The following PTPRG variants were observed in gnomAD, a reference collection of about 807,000 sequenced individuals.
PTPRG encodes the protein protein tyrosine phosphatase receptor type G, also known as receptor-type tyrosine-protein phosphatase gamma.
Under a neutral mutation model 165.3 loss-of-function variants are expected in PTPRG, and 102 were observed. That is an observed-to-expected ratio of 0.62 (90% CI 0.53 to 0.73). The LOEUF is 0.73. PTPRG is among the 30% of genes least tolerant of loss of function. PTPRG has a pLI of 0.00. For synonymous variants in PTPRG, 675 were observed against 669.5 expected (o/e 1.01, Z -0.13); for missense variants, 1,866 against 1,861.4 (o/e 1.00, Z -0.05).
chr3:62,179,015 C>T (rs1033951718), intron 8 of PTPRG, among the ~76,000 whole-genome samples: 2 of 152,162 alleles, frequency 1.3e-5, no homozygotes, highest in Admixed American at 1.3e-4. Flanking sequence ...CTCATTGGAG[C>T]CATAGGAGGT....
At chr3:61,633,390 T>G (rs1330213046) in intron 1 of PTPRG, among the ~76,000 whole-genome samples, 2 of 152,222 alleles carry the variant, frequency 1.3e-5, no homozygotes, top group Admixed American at 1.3e-4. Flanking sequence ...GAAATGAAAG[T>G]CATTGGGATG....
intron 6 of PTPRG, 57 bp downstream of exon 6, chr3:62,132,725 C>A: frequency 7.0e-7 from 1 of 1,431,462 alleles, no homozygotes; most frequent in East Asian, 2.3e-5. Context: ...AGATCTCTAC[C>A]TAAAAGAATC....
chr3:62,119,824 C>T (rs1178510333), intron 5 of PTPRG, among the ~76,000 whole-genome samples: 6 of 121,304 alleles, frequency 4.9e-5, no homozygotes, highest in South Asian at 2.6e-4. Flanking sequence ...TTAGTAGAGG[C>T]GGGGTTTCAC....
In PTPRG at chr3:61,596,854, G is replaced by T. The variant is rs1462907111; in HGVS notation, c.85+34482G>T. 3.3e-5 allele frequency among the ~76,000 whole-genome samples: 5 copies of T among 152,040 alleles called. No homozygotes were observed. The East Asian group carries it at 9.6e-4, about 29-fold the overall frequency. ...AATTACTTTTTAGAAGTGAATAATTGTCTCAAGGTTTTTATGCAGCTTAAC... is the reference window on the plus strand; with the variant it reads ...AATTACTTTTTAGAAGTGAATAATTTTCTCAAGGTTTTTATGCAGCTTAAC... On this transcript the variant is annotated intron_variant, in intron 1 of 29. Coordinates refer to ENST00000474889, the MANE Select transcript of PTPRG (RefSeq NM_002841.4).
At chr3:62,033,054 T>C (rs1699820416) in intron 4 of PTPRG, among the ~76,000 whole-genome samples, 1 of 152,188 alleles carries the variant, frequency 6.6e-6, no homozygotes, top group Non-Finnish European at 1.5e-5. Flanking sequence ...CATGCTGGTA[T>C]AGATGCCCTA....
intron 2 of PTPRG, among the ~76,000 whole-genome samples, chr3:61,928,952 A>T (rs12490787): frequency 6.6e-6 from 1 of 152,162 alleles, no homozygotes; most frequent in African/African-American, 2.4e-5. Flanking sequence ...TGTGGTTGTC[A>T]CAACGGGAAG....
intron 12 of PTPRG, among the ~76,000 whole-genome samples, chr3:62,212,859 TAAA>T (rs767904923): frequency 6.6e-5 from 10 of 152,194 alleles, no homozygotes; most frequent in Non-Finnish European, 1.3e-4. Context: ...ATGTCACAAT[TAAA>T]AAATAACTAC....
chr3:62,156,847 T>C (rs1704555698), intron 6 of PTPRG, among the ~76,000 whole-genome samples: 1 of 152,136 alleles, frequency 6.6e-6, no homozygotes, highest in African/African-American at 2.4e-5. Flanking sequence ...CTGTATTTTA[T>C]TGAAATATAC....
chr3:61,957,729 T>G (rs2040065503), intron 2 of PTPRG, among the ~76,000 whole-genome samples: 2 of 152,234 alleles, frequency 1.3e-5, no homozygotes, highest in Non-Finnish European at 2.9e-5. Flanking sequence ...TTTCATCTTG[T>G]GTCTTACAGG....
At chr3:61,647,791 C>CAAAA (rs58020589) in intron 1 of PTPRG, among the ~76,000 whole-genome samples, 2,919 of 92,970 alleles carry the variant, frequency 0.031, 325 homozygotes, top group African/African-American at 0.12. Flanking sequence ...GACTCCGTCT[C>CAAAA]AAAAAAAAAA....
intron 15 of PTPRG, among the ~76,000 whole-genome samples, 157 bp downstream of exon 15, chr3:62,244,055 T>A (rs1226911088): frequency 6.6e-6 from 1 of 152,220 alleles, no homozygotes; most frequent in Non-Finnish European, 1.5e-5. Context: ...GTTAATGTAG[T>A]ATACAGTCAT....
chr3:62,260,842 C>CA (rs1242877474), intron 16 of PTPRG: 2 of 152,180 alleles, frequency 1.3e-5, no homozygotes, highest in African/African-American at 2.4e-5. Flanking sequence ...CAGAAGGCCT[C>CA]AGGCAAACCC....
intron 2 of PTPRG, among the ~76,000 whole-genome samples, chr3:61,763,115 A>G (rs560517411): frequency 5.6e-4 from 86 of 152,274 alleles, no homozygotes; most frequent in African/African-American, 2.0e-3. Context: ...GCTTAAACCA[A>G]TTATTGGCAA....
intron 2 of PTPRG, among the ~76,000 whole-genome samples, chr3:61,917,497 C>T (rs2038969167): frequency 6.6e-6 from 1 of 152,154 alleles, no homozygotes; most frequent in African/African-American, 2.4e-5. Flanking sequence ...GTATGAAGCT[C>T]AGTAACATAC....
At chr3:61,862,469 C>T (rs1236686906) in intron 2 of PTPRG, among the ~76,000 whole-genome samples, 2 of 151,504 alleles carry the variant, frequency 1.3e-5, no homozygotes, top group Non-Finnish European at 2.9e-5. Flanking sequence ...ACAACCTCCA[C>T]CTCTGCCTCC....
intron 2 of PTPRG, among the ~76,000 whole-genome samples, chr3:61,837,298 A>G (rs2036496296): frequency 6.6e-6 from 1 of 152,160 alleles, no homozygotes; most frequent in African/African-American, 2.4e-5. Context: ...TCTGCCTGCC[A>G]CAGCCACCCA....
At chr3:62,019,949 GAAGGAA>G (rs2041647833) in intron 4 of PTPRG, among the ~76,000 whole-genome samples, 1 of 151,892 alleles carries the variant, frequency 6.6e-6, no homozygotes, top group African/African-American at 2.4e-5. Flanking sequence ...AGATAAAACT[GAAGGAA>G]GAGAGGTCAT....
At chr3:62,250,497 TAAA>T (rs1237916923) in intron 15 of PTPRG, among the ~76,000 whole-genome samples, 2 of 152,178 alleles carry the variant, frequency 1.3e-5, no homozygotes, top group South Asian at 4.1e-4. Context: ...TAATATCAAA[TAAA>T]AAACTATGGG....
chr3:62,059,413 C>T (rs1700733406), intron 4 of PTPRG, among the ~76,000 whole-genome samples: 2 of 152,322 alleles, frequency 1.3e-5, no homozygotes, highest in East Asian at 1.9e-4. Context: ...TAAAACAGAT[C>T]AGGAATGAGA....
Sources: allele counts gnomAD v4.1 joint callset (sites outside exome capture counted in the v4.1 genomes callset), GRCh38; gene constraint gnomAD v4.1.1; transcripts MANE v1.5; gene names NCBI Gene and HGNC (gene_info 2026-07-23, HGNC 2026-07-21).